Variants in FAAH2 observed in about 807,000 individuals in gnomAD.
FAAH2 encodes the protein fatty-acid amide hydrolase 2.
A neutral mutation model predicts 36.9 loss-of-function variants in FAAH2; 60 were observed. That is an observed-to-expected ratio of 1.63 (90% CI 1.32 to 2.02). The LOEUF (loss-of-function observed/expected upper bound fraction) is 2.02, where lower values mean the gene tolerates loss of function less well. FAAH2 is among the 30% of genes most tolerant of loss of function. The pLI is 0.00. For missense variants in FAAH2, 689 were observed against 397.5 expected, an observed-to-expected ratio of 1.73 and a Z score of -6.23; for synonymous variants, 214 against 143.8, an observed-to-expected ratio of 1.49 and a Z score of -3.49.
At chrX:57,239,619 C>G in the FAAH2 span, among the ~76,000 whole-genome samples, 3 of 111,036 alleles carry the variant, frequency 2.7e-5, no homozygotes, top group Non-Finnish European at 5.7e-5. Context: ...AGACAATATG[C>G]TTAAATATGT....
chrX:57,215,130 C>T, the FAAH2 span, among the ~76,000 whole-genome samples: 1 of 96,747 alleles, frequency 1.0e-5, no homozygotes, highest in Admixed American at 1.1e-4. Context: ...AAAAAGAAAA[C>T]ACCACCATCA....
chrX:57,238,351 A>G, the FAAH2 span, among the ~76,000 whole-genome samples: 32 of 111,974 alleles, frequency 2.9e-4, no homozygotes, highest in Admixed American at 8.5e-4. Context: ...TTGTATGAAC[A>G]GCAATGGAGC....
the FAAH2 span, among the ~76,000 whole-genome samples, chrX:57,271,600 C>A: frequency 8.9e-6 from 1 of 112,188 alleles, no homozygotes; most frequent in South Asian, 3.7e-4. Context: ...TCTGCAGCCT[C>A]CACTGGTGAT....
At chrX:57,307,099 G>A (rs1014567033) in intron 2 of FAAH2, among the ~76,000 whole-genome samples, 1 of 95,914 alleles carries the variant, frequency 1.0e-5, no homozygotes, top group African/African-American at 3.6e-5. Context: ...CGTTGGGCCA[G>A]TAGTACTCAG....
chrX:57,327,026 G>A (rs1003758543), intron 3 of FAAH2, among the ~76,000 whole-genome samples: 1 of 108,178 alleles, frequency 9.2e-6, no homozygotes, highest in African/African-American at 3.4e-5. Context: ...CTCTTTCAGG[G>A]CATGCCTGGT....
intron 10 of FAAH2, among the ~76,000 whole-genome samples, chrX:57,479,650 A>G (rs2057340727): frequency 9.0e-6 from 1 of 111,362 alleles, no homozygotes; most frequent in African/African-American, 3.3e-5. Context: ...TATTATTTTG[A>G]GATACGTCCC....
chrX:57,422,181 G>A (rs2056054198), intron 7 of FAAH2, among the ~76,000 whole-genome samples: 1 of 112,032 alleles, frequency 8.9e-6, no homozygotes, highest in Non-Finnish European at 1.9e-5. Context: ...CAGCTGTTTG[G>A]AGTTATCATC....
At chrX:57,471,662 A>T (rs1343917294) in intron 10 of FAAH2, among the ~76,000 whole-genome samples, 1 of 111,963 alleles carries the variant, frequency 8.9e-6, no homozygotes, top group Non-Finnish European at 1.9e-5. Context: ...AAATGGCCAT[A>T]CTGCCCAAGG....
In FAAH2 at chrX:57,488,917, T is replaced by C. The variant is rs775081965; in HGVS notation, c.1584T>C (p.Cys528=). 8.3e-7 allele frequency: 1 copy of C among 1,209,293 alleles called. No homozygotes were observed. The highest frequency in any genetic ancestry group is 1.8e-5 in the South Asian group (1 of 56,581). The part of the protein sequence containing the change: ...YLEKTFGGWV[C]PGKF ...AGAAAACTTTTGGGGGCTGGGTCTG[T>C]CCAGGAAAGTTTTAGGAGGACCTTC... The change falls in exon 11 of 11, where the codon TGT becomes TGC. Residue 528 remains cysteine, a synonymous_variant. Transcript: ENST00000374900.
At chrX:57,258,869 TG>T in the FAAH2 span, among the ~76,000 whole-genome samples, 1 of 107,330 alleles carries the variant, frequency 9.3e-6, no homozygotes, top group Non-Finnish European at 1.9e-5. Flanking sequence ...CCACCACGCC[TG>T]GCTAATTTTG....
At chrX:57,154,208 T>C in the FAAH2 span, among the ~76,000 whole-genome samples, 85 of 109,992 alleles carry the variant, frequency 7.7e-4, 2 homozygotes, top group Non-Finnish European at 5.7e-5. Context: ...CCTGAAGTTG[T>C]CATTATTTTT....
At chrX:57,392,592 G>T in intron 7 of FAAH2, 1 of 803,577 alleles carries the variant, frequency 1.2e-6, no homozygotes, top group Non-Finnish European at 1.9e-6. Context: ...GGCCTGAATA[G>T]ACACTGGCCA....
chrX:57,417,406 G>A (rs1170753127), intron 7 of FAAH2, among the ~76,000 whole-genome samples: 1 of 111,614 alleles, frequency 9.0e-6, no homozygotes, highest in Non-Finnish European at 1.9e-5. Flanking sequence ...TTTGGATGGG[G>A]TTTCTGTGTG....
At chrX:57,353,135 A>G (rs1391205878) in intron 5 of FAAH2, among the ~76,000 whole-genome samples, 2 of 110,222 alleles carry the variant, frequency 1.8e-5, no homozygotes, top group Non-Finnish European at 3.8e-5. Flanking sequence ...GAACCCTAAT[A>G]ACTAAAGTGT....
At chrX:57,140,819 G>T in the FAAH2 span, among the ~76,000 whole-genome samples, 1 of 111,209 alleles carries the variant, frequency 9.0e-6, no homozygotes, top group Admixed American at 9.6e-5. Context: ...TAGACACTAG[G>T]ATTTCCAAAA....
the FAAH2 span, among the ~76,000 whole-genome samples, chrX:57,224,591 G>A: frequency 1.2e-4 from 13 of 111,781 alleles, no homozygotes; most frequent in Admixed American, 8.5e-4. Flanking sequence ...GAAAAGGGCC[G>A]GCCAGAAGAC....
At chrX:57,152,524 G>C in the FAAH2 span, among the ~76,000 whole-genome samples, 2 of 112,307 alleles carry the variant, frequency 1.8e-5, no homozygotes, top group African/African-American at 6.5e-5. Flanking sequence ...TCAGACTGCT[G>C]TGCTAGCAAT....
intron 5 of FAAH2, among the ~76,000 whole-genome samples, chrX:57,358,460 C>T (rs1356649443): frequency 9.0e-6 from 1 of 111,431 alleles, no homozygotes; most frequent in Admixed American, 9.6e-5. Context: ...ATTTGTCCTT[C>T]TGTTTTATTT....
chrX:57,392,732 T>A (rs182522718), intron 7 of FAAH2: 143 of 611,211 alleles, frequency 2.3e-4, no homozygotes, highest in Middle Eastern at 6.1e-4. Context: ...TGCTCATCGT[T>A]CCTACTAAAG....
Sources: allele counts gnomAD v4.1 joint callset (sites outside exome capture counted in the v4.1 genomes callset), GRCh38; gene constraint gnomAD v4.1.1; transcripts MANE v1.5; gene names NCBI Gene and HGNC (gene_info 2026-07-23, HGNC 2026-07-21).